The following ATRNL1 variants were observed in gnomAD, a reference collection of about 807,000 sequenced individuals.
ATRNL1 encodes the protein attractin like 1.
A neutral mutation model predicts 182.7 loss-of-function variants in ATRNL1; 95 were observed. The ratio of observed to expected loss-of-function variants is 0.52; its 90% CI spans 0.44 to 0.62. The LOEUF (loss-of-function observed/expected upper bound fraction) is 0.62, where lower values mean the gene tolerates loss of function less well. ATRNL1 is among the 20% of genes least tolerant of loss of function. The probability of loss-of-function intolerance (pLI) is 0.00; values close to 1 mark genes in which losing one functional copy is unlikely to be tolerated. For synonymous variants in ATRNL1, 576 were observed against 568.3 expected, an observed-to-expected ratio of 1.01 and a Z score of -0.19; for missense variants, 1,471 against 1,679.5, an observed-to-expected ratio of 0.88 and a Z score of 2.17.
At chr10:115,387,138 A>G (rs1229393189) in intron 19 of ATRNL1, among the ~76,000 whole-genome samples, 1 of 152,054 alleles carries the variant, frequency 6.6e-6, no homozygotes, top group African/African-American at 2.4e-5. Flanking sequence ...AGGGACATGG[A>G]TGAAATTGGA....
At chr10:115,869,275 GA>G (rs1555105496) in intron 28 of ATRNL1, among the ~76,000 whole-genome samples, 3 of 152,186 alleles carry the variant, frequency 2.0e-5, no homozygotes, top group Non-Finnish European at 2.9e-5. Context: ...TTAGCCTAAA[GA>G]ATTTAAGGCC....
intron 21 of ATRNL1, among the ~76,000 whole-genome samples, chr10:115,459,809 G>A (rs1238134159): frequency 1.1e-4 from 17 of 151,954 alleles, no homozygotes; most frequent in Admixed American, 1.1e-3. Context: ...GTGGCTCATG[G>A]GGCATCACGG....
In ATRNL1 at chr10:115,409,226, C is replaced by A. The variant is rs187387582; in HGVS notation, c.3269+14474C>A. On this transcript the variant is annotated intron_variant, in intron 20 of 28. Coordinates refer to ENST00000355044, the MANE Select transcript of ATRNL1 (RefSeq NM_207303.4). ...CATGAGATGTCTTTTTATTTGTTTG[C>A]ATTCTCCTCAATTTTATCAGTTTAT... Among the ~76,000 whole-genome samples, 34 of 152,108 alleles carry A rather than the reference C, an allele frequency of 2.2e-4. 3 individuals are homozygous for A. In the East Asian group the frequency reaches 3.5e-3, roughly 16 times the overall value.
At chr10:115,926,051 T>C (rs1953221407) in intron 28 of ATRNL1, among the ~76,000 whole-genome samples, 1 of 151,596 alleles carries the variant, frequency 6.6e-6, no homozygotes, top group Non-Finnish European at 1.5e-5. Context: ...ACTAAAATCA[T>C]AACAGTCTCT....
At chr10:115,668,295 A>G (rs1376827532) in intron 26 of ATRNL1, among the ~76,000 whole-genome samples, 1 of 152,024 alleles carries the variant, frequency 6.6e-6, no homozygotes, top group African/African-American at 2.4e-5. Flanking sequence ...AAAATACCTG[A>G]ATGGAGAATT....
chr10:115,808,296 C>CT lies in ATRNL1; in HGVS notation c.3904-39576dup, dbSNP rs113992036. On this transcript the variant is annotated intron_variant, in intron 27 of 28. Coordinates refer to ENST00000355044, the MANE Select transcript of ATRNL1 (RefSeq NM_207303.4). ...ATAAATGACTTTGTCCAAATGATGTCTTTTTCAGTGTAGAATACTTAAACC... is the reference window on the plus strand; with the variant it reads ...ATAAATGACTTTGTCCAAATGATGTCTTTTTTCAGTGTAGAATACTTAAACC... Among the ~76,000 whole-genome samples the CT allele has an allele frequency of 6.2e-3, 940 of 152,092 alleles. 8 individuals carry two copies. Among genetic ancestry groups the CT allele is most frequent in the African/African-American group, 0.021 (885 of 41,484 alleles).
chr10:115,612,587 GT>G, intron 26 of ATRNL1, among the ~76,000 whole-genome samples: 1 of 152,318 alleles, frequency 6.6e-6, no homozygotes, highest in East Asian at 1.9e-4. Flanking sequence ...TATCACAGGA[GT>G]TGATGCCAGG....
At chr10:115,864,681 A>G (rs1951394145) in intron 28 of ATRNL1, among the ~76,000 whole-genome samples, 1 of 152,184 alleles carries the variant, frequency 6.6e-6, no homozygotes, top group South Asian at 2.1e-4. Context: ...GTGTAACACC[A>G]ATGTAATCAC....
At chr10:115,701,295 T>C (rs974739051) in intron 26 of ATRNL1, among the ~76,000 whole-genome samples, 1 of 152,002 alleles carries the variant, frequency 6.6e-6, no homozygotes, top group Admixed American at 6.6e-5. Context: ...ATTTCTGGGA[T>C]GCAGCAAAAG....
intron 26 of ATRNL1, among the ~76,000 whole-genome samples, chr10:115,693,824 G>C (rs188976452): frequency 6.6e-6 from 1 of 151,926 alleles, no homozygotes; most frequent in Non-Finnish European, 1.5e-5. Context: ...ACATATATAG[G>C]GTAGCTCCAT....
intron 19 of ATRNL1, among the ~76,000 whole-genome samples, chr10:115,345,407 G>A (rs994980154): frequency 6.6e-6 from 1 of 152,120 alleles, no homozygotes; most frequent in Non-Finnish European, 1.5e-5. Context: ...AGTCCCTCAC[G>A]ATTATTGTTT....
At chr10:115,630,134 A>G (rs1193418036) in intron 26 of ATRNL1, among the ~76,000 whole-genome samples, 1 of 152,120 alleles carries the variant, frequency 6.6e-6, no homozygotes, top group Non-Finnish European at 1.5e-5. Context: ...CCTTTGTTTA[A>G]TTATCAGAAT....
Position 115,756,853 on chromosome 10 carries a change from C to T in ATRNL1, c.3903+29498C>T, listed in dbSNP as rs182310410. 9.2e-5 allele frequency among the ~76,000 whole-genome samples: 14 copies of T among 152,100 alleles called. No individual in the cohort carries two copies. In the East Asian group the frequency reaches 2.1e-3, roughly 23 times the overall value. The stretch of plus-strand genomic sequence containing the variant: ...TTATGAAACTGGGTGCTCCTGTATT[C>T]GGTGCATATATATTTAGGATAGTTA... On this transcript the variant is annotated intron_variant, in intron 27 of 28. Coordinates refer to ENST00000355044, the MANE Select transcript of ATRNL1 (RefSeq NM_207303.4).
Position 115,094,001 on chromosome 10 carries a change from G to C in ATRNL1, c.251G>C (p.Gly84Ala), listed in dbSNP as rs781937458. Residue 84 changes from glycine (G) to alanine (A), a missense_variant, in exon 1 of 29, where the codon GGC (glycine) becomes GCC (alanine). Coordinates refer to ENST00000355044, the MANE Select transcript of ATRNL1 (RefSeq NM_207303.4). ...AACTCCACCTGCCTCTGCGACCCGG[G>C]CTGGGTGGGGGACCAGTGCCAGCAC... Reference protein sequence around the residue: ...CVNSTCLCDPGWVGDQCQHCQ... With the variant: ...CVNSTCLCDPAWVGDQCQHCQ... The C allele has an allele frequency of 6.3e-6, 10 of 1,579,464 alleles. No homozygotes were observed. The highest frequency in any genetic ancestry group is 8.6e-6 in the Non-Finnish European group (10 of 1,164,558).
At position 115,093,899 on chromosome 10, in the gene ATRNL1, A is replaced by G. The variant is rs782509639; in HGVS notation, c.149A>G (p.Tyr50Cys). 2 of 1,596,536 alleles carry G rather than the reference A, an allele frequency of 1.3e-6. No individual in the cohort carries two copies. Among genetic ancestry groups the G allele is most frequent in the Non-Finnish European group, 1.7e-6 (2 of 1,173,516 alleles). Reference protein sequence around the residue: ...NSWLLCYGFLYLALYAQVSQS... With the variant: ...NSWLLCYGFLCLALYAQVSQS... ...TGGCTGCTGTGCTATGGCTTCCTCT[A>G]CCTGGCGCTCTACGCGCAGGTGTCC... Residue 50 changes from tyrosine (Y) to cysteine (C), a missense_variant, in exon 1 of 29, where the codon TAC (tyrosine) becomes TGC (cysteine). Tyr to Cys is a radical substitution (Grantham distance 194, BLOSUM62 -2). Around this residue, in one of 3 missense-constraint regions of ATRNL1, gnomAD observed 1,031 missense variants for 1,156.0 expected, o/e 0.89. Transcript: ENST00000355044. This position sits in a 1 kb window ranked among gnomAD's most constrained non-coding sequence, Gnocchi z 6.1.
chr10:115,729,020 T>C (rs143606786), intron 27 of ATRNL1, among the ~76,000 whole-genome samples: 1 of 151,814 alleles, frequency 6.6e-6, no homozygotes, highest in Admixed American at 6.6e-5. Context: ...AAAAATCGAG[T>C]AACAAGAGAA....
chr10:115,213,548 C>G (rs933148696), intron 8 of ATRNL1, among the ~76,000 whole-genome samples: 1 of 152,048 alleles, frequency 6.6e-6, no homozygotes, highest in East Asian at 1.9e-4. Context: ...ATTCTCCAGT[C>G]CCTAGCCAGT....
chr10:115,686,963 C>T (rs1414696887), intron 26 of ATRNL1, among the ~76,000 whole-genome samples: 2 of 151,922 alleles, frequency 1.3e-5, no homozygotes, highest in African/African-American at 4.8e-5. Context: ...ATGGAACTAT[C>T]GACAGAATCT....
intron 26 of ATRNL1, among the ~76,000 whole-genome samples, chr10:115,572,793 G>A (rs1354330154): frequency 6.6e-6 from 1 of 152,118 alleles, no homozygotes; most frequent in Non-Finnish European, 1.5e-5. Context: ...GTTTGTCAGG[G>A]GTTGTTTTTG....
Sources: gnomAD v4.1 joint callset for allele counts (sites outside exome capture counted in the v4.1 genomes callset) on GRCh38, gnomAD v4.1.1 for gene constraint, gnomAD v4.1.1 regional missense constraint, Gnocchi (gnomAD v3.1) non-coding constraint, MANE v1.5 for transcripts, NCBI Gene and HGNC (gene_info 2026-07-23, HGNC 2026-07-21) for gene names.